Variants in LRP8 observed in about 807,000 individuals in gnomAD.
The protein encoded by LRP8 is low-density lipoprotein receptor-related protein 8.
In LRP8, 46 loss-of-function variants were observed where a neutral mutation model predicts 111.6. That is an observed-to-expected ratio of 0.41 (90% CI 0.33 to 0.53). The LOEUF is 0.53. LRP8 is among the 20% of genes least tolerant of loss of function. The pLI, the probability that LRP8 is intolerant of heterozygous loss-of-function variation, is 0.20. For synonymous variants in LRP8, 464 were observed against 511.2 expected, an observed-to-expected ratio of 0.91 and a Z score of 1.24; for missense variants, 959 against 1,297.4, an observed-to-expected ratio of 0.74 and a Z score of 4.01.
At chr1:53,309,228 C>G (rs1484789790) in intron 2 of LRP8, among the ~76,000 whole-genome samples, 1 of 152,064 alleles carries the variant, frequency 6.6e-6, no homozygotes, top group Non-Finnish European at 1.5e-5. Context: ...TGAGCCGAGA[C>G]CATGCCATTG....
Position 53,250,685 on chromosome 1 carries a change from C to A in LRP8, c.2676+5G>T. 1 of 1,612,690 alleles carries A rather than the reference C, an allele frequency of 6.2e-7. No individual in the cohort carries two copies. Among genetic ancestry groups the A allele is most frequent in the Non-Finnish European group, 8.5e-7 (1 of 1,179,022 alleles). ...GTAGGAATTCTCCCAGTGAGAAATA[C>A]TTACTGCAGGATAGACATGGCCAAT... On this transcript the variant is annotated splice_donor_5th_base_variant and intron_variant, in intron 17 of 18. Transcript: ENST00000306052. The surrounding 1 kb of genome is among the most constrained non-coding windows in gnomAD (Gnocchi z 4.6).
At chr1:53,257,579 G>C in intron 14 of LRP8, 115 bp from the exon 15 acceptor site, 1 of 748,912 alleles carries the variant, frequency 1.3e-6, no homozygotes, top group Non-Finnish European at 2.3e-6. Context: ...TGCCACTTCT[G>C]TGAAGCCTTT....
At position 53,280,644 on chromosome 1, in the gene LRP8, G is replaced by A. The variant is rs1465624983; in HGVS notation, c.439C>T (p.Arg147Cys). ...TSHKCVPASWRCDGEKDCEGG... is the reference protein window; with the variant it reads ...TSHKCVPASWCCDGEKDCEGG... Reference sequence around the variant, plus strand: ...TCGCAGTCCTTCTCCCCGTCGCAGCGCCACGAGGCAGGTACACACTTGTGG... The same window carrying A: ...TCGCAGTCCTTCTCCCCGTCGCAGCACCACGAGGCAGGTACACACTTGTGG... Residue 147 changes from arginine (R) to cysteine (C), a missense_variant, in exon 4 of 19, where the codon CGC (arginine) becomes TGC (cysteine). Transcript: ENST00000306052. 5.6e-6 allele frequency: 9 copies of A among 1,613,266 alleles called. No individual in the cohort carries two copies. The highest frequency in any genetic ancestry group is 5.0e-5 in the Admixed American group (3 of 60,008).
In LRP8 at chr1:53,328,016, CCCG is replaced by C. The variant is rs528801146; in HGVS notation, c.-107_-105del. The C allele has an allele frequency of 0.025, 15,276 of 609,118 alleles. 363 individuals carry two copies. The highest frequency in any genetic ancestry group is 0.059 in the African/African-American group (2,923 of 49,932). 37.7% of individuals were successfully genotyped at this position (609,118 alleles called of 1,614,324 possible). On this transcript the variant is annotated 5_prime_UTR_variant, in exon 1 of 19. Coordinates refer to ENST00000306052, the MANE Select transcript of LRP8 (RefSeq NM_004631.5). ...CCGCGGCGCCGGGGTTGCCGCTGCC[CCCG>C]CCGCCGCCGCCGCCGCCGCTGCCGC...
At chr1:53,308,154 C>CG (rs1179592605) in intron 2 of LRP8, among the ~76,000 whole-genome samples, 1 of 152,162 alleles carries the variant, frequency 6.6e-6, no homozygotes, top group Non-Finnish European at 1.5e-5. Context: ...GAGGTGGGCT[C>CG]GGGGCTGCAC....
Position 53,276,882 on chromosome 1 carries a change from C to T in LRP8, c.693G>A (p.Gln231=). 7.1e-7 allele frequency: 1 copy of T among 1,409,602 alleles called. No homozygotes were observed. Among genetic ancestry groups the T allele is most frequent in the East Asian group, 3.5e-5 (1 of 28,528 alleles). The allele number at this position is 1,409,602 out of a possible 1,614,324, so 87.3% of individuals were successfully genotyped here. ...CGTCCGAGCGGTCCTCGCAGTCAAA[C>T]TGGCGGTCGCAGACCCAGCGCTCCG... is the stretch of plus-strand genomic sequence containing the variant. ...CIPERWVCDR[Q]FDCEDRSDEA... is the part of the protein sequence containing the mutation. Residue 231 remains glutamine, a synonymous_variant, in exon 5 of 19, where the codon CAG becomes CAA. Coordinates refer to ENST00000306052, the MANE Select transcript of LRP8 (RefSeq NM_004631.5).
rs1438649871 is a variant in LRP8, at chr1:53,279,091, G to C, written c.496+1496C>G. 6.6e-6 allele frequency among the ~76,000 whole-genome samples: 1 copy of C among 151,994 alleles called. No individual in the cohort carries two copies. The highest frequency in any genetic ancestry group is 2.4e-5 in the African/African-American group (1 of 41,374). ...TTAATTTTACTTGAAGACTTGGATG[G>C]CAAGGAAGTGCTTCTTCATACTGAG... On this transcript the variant is annotated intron_variant, in intron 4 of 18. Coordinates refer to ENST00000306052, the MANE Select transcript of LRP8 (RefSeq NM_004631.5). This position sits in a 1 kb window ranked among gnomAD's most constrained non-coding sequence, Gnocchi z 4.4.
At position 53,275,247 on chromosome 1, in the gene LRP8, G is replaced by C. The variant is rs1425686275; in HGVS notation, c.1006+384C>G. Among the ~76,000 whole-genome samples, 1 of 152,192 alleles carries C rather than the reference G, an allele frequency of 6.6e-6. No homozygotes were observed. Among genetic ancestry groups the C allele is most frequent in the East Asian group, 1.9e-4 (1 of 5,188 alleles). On this transcript the variant is annotated intron_variant, in intron 6 of 18. Coordinates refer to ENST00000306052, the MANE Select transcript of LRP8 (RefSeq NM_004631.5). This position sits in a 1 kb window ranked among gnomAD's most constrained non-coding sequence, Gnocchi z 4.4. Reference sequence around the variant, plus strand: ...GAATGAGGGTCCCTGCTCCTGCAGAGGGCAGGTGGTGACCAGAAGAACCAT... The same window carrying C: ...GAATGAGGGTCCCTGCTCCTGCAGACGGCAGGTGGTGACCAGAAGAACCAT...
chr1:53,319,305 TG>T (rs1178791447), intron 2 of LRP8, among the ~76,000 whole-genome samples: 1 of 152,004 alleles, frequency 6.6e-6, no homozygotes, highest in African/African-American at 2.4e-5. Context: ...CAGGGGAGGA[TG>T]GGGGCCAAAT....
chr1:53,275,819 C>A lies in LRP8; in HGVS notation c.884-66G>T. 1.4e-5 allele frequency: 22 copies of A among 1,563,298 alleles called. No individual in the cohort carries two copies. The highest frequency in any genetic ancestry group is 1.9e-5 in the Non-Finnish European group (22 of 1,151,958). On this transcript the variant is annotated intron_variant, in intron 5 of 18. Coordinates refer to ENST00000306052, the MANE Select transcript of LRP8 (RefSeq NM_004631.5). The surrounding 1 kb of genome is among the most constrained non-coding windows in gnomAD (Gnocchi z 4.4). ...GGTGCTAGGACAATTTCCCCACCAC[C>A]CCAATCCCCATGCCATAGCCACCCC... is the stretch of plus-strand genomic sequence containing the variant.
At chr1:53,309,241 C>T (rs932470187) in intron 2 of LRP8, among the ~76,000 whole-genome samples, 2 of 152,166 alleles carry the variant, frequency 1.3e-5, no homozygotes, top group Non-Finnish European at 2.9e-5. Context: ...TGCCATTGCA[C>T]TCCAGGCTGG....
At chr1:53,283,188 G>C (rs929195138) in intron 3 of LRP8, among the ~76,000 whole-genome samples, 3 of 152,062 alleles carry the variant, frequency 2.0e-5, no homozygotes, top group African/African-American at 7.3e-5. Context: ...AAAGAGGTCA[G>C]GGGGAGCCTC....
rs1645703371 is a variant in LRP8, at chr1:53,245,434, G to T, written c.*1584C>A. The T allele has an allele frequency of 6.6e-6, 1 of 152,136 alleles. No individual in the cohort carries two copies. The highest frequency in any genetic ancestry group is 1.5e-5 in the Non-Finnish European group (1 of 68,030). 9.4% of individuals were successfully genotyped at this position (152,136 alleles called of 1,614,324 possible). A position where few individuals can be genotyped will look rare whatever the true frequency, so the allele number is the denominator to read the frequency against. On this transcript the variant is annotated 3_prime_UTR_variant, in exon 19 of 19. Transcript: ENST00000306052. ...GGACTGAATCCTTCTGGGACTATAG[G>T]ATTATGTTTCCAATGGGAGACCCCA...
At chr1:53,296,364 G>A (rs1356510172) in intron 2 of LRP8, among the ~76,000 whole-genome samples, 2 of 152,216 alleles carry the variant, frequency 1.3e-5, no homozygotes, top group Non-Finnish European at 2.9e-5. Flanking sequence ...CTAACTTGGA[G>A]AGCTGGGTGC....
chr1:53,301,871 C>G (rs562007338), intron 2 of LRP8, among the ~76,000 whole-genome samples: 1 of 152,254 alleles, frequency 6.6e-6, no homozygotes, highest in East Asian at 1.9e-4. Context: ...TATAGCCAAA[C>G]TGAGGAAAGG....
In LRP8 at chr1:53,262,461, T is replaced by C. The variant is rs150328985; in HGVS notation, c.1759A>G (p.Asn587Asp). The change falls in exon 11 of 19, where the codon AAC becomes GAC. Residue 587 changes from asparagine to aspartate, a missense_variant. Physicochemically the swap from Asn to Asp is conservative, Grantham distance 23 (BLOSUM62 1). Transcript: ENST00000306052. The surrounding 1 kb of genome is among the most constrained non-coding windows in gnomAD (Gnocchi z 4.8). ...TLVSDNIEWPNGITLDLLSQR... is the reference protein window; with the variant it reads ...TLVSDNIEWPDGITLDLLSQR... ...CAGGGCTCACCCAGGGTGATTCCGT[T>C]GGGCCATTCAATATTGTCTGACACC... 6.2e-7 allele frequency: 1 copy of C among 1,614,058 alleles called. No homozygotes were observed. The highest frequency in any genetic ancestry group is 8.5e-7 in the Non-Finnish European group (1 of 1,180,048).
chr1:53,323,293 T>C (rs552439684), intron 2 of LRP8, among the ~76,000 whole-genome samples: 1 of 152,362 alleles, frequency 6.6e-6, no homozygotes, highest in Admixed American at 6.5e-5. Context: ...TACTTCATAG[T>C]GTTGCCCCAT....
intron 2 of LRP8, among the ~76,000 whole-genome samples, chr1:53,325,235 T>C (rs72897404): frequency 0.037 from 5,704 of 152,294 alleles, 284 homozygotes; most frequent in African/African-American, 0.11. Flanking sequence ...ACTCTAGAGT[T>C]AGATGCTTAA....
rs368171154 is a variant in LRP8 at position 53,262,990 on chromosome 1, C to T, written c.1656-426G>A. On this transcript the variant is annotated intron_variant, in intron 10 of 18. Coordinates refer to ENST00000306052, the MANE Select transcript of LRP8 (RefSeq NM_004631.5). The surrounding 1 kb of genome is among the most constrained non-coding windows in gnomAD (Gnocchi z 4.8). Reference sequence around the variant, plus strand: ...GCCTACTAGGGCCAGTAGCAGCCCACTGTTACTAATCCAAGGTAGTAAATT... The same window carrying T: ...GCCTACTAGGGCCAGTAGCAGCCCATTGTTACTAATCCAAGGTAGTAAATT... 1.3e-5 allele frequency among the ~76,000 whole-genome samples: 2 copies of T among 152,218 alleles called. No individual in the cohort carries two copies. Among genetic ancestry groups the T allele is most frequent in the South Asian group, 4.1e-4 (2 of 4,834 alleles).
Sources: allele counts gnomAD v4.1 joint callset (sites outside exome capture counted in the v4.1 genomes callset), GRCh38; gene constraint gnomAD v4.1.1; non-coding constraint Gnocchi (gnomAD v3.1); transcripts MANE v1.5; gene names NCBI Gene and HGNC (gene_info 2026-07-23, HGNC 2026-07-21).